RIMBP2: variants seen among roughly 807,000 people sequenced by gnomAD.
The protein encoded by RIMBP2 is RIMS binding protein 2, also known as RIMS-binding protein 2.
Under a neutral mutation model 118.6 loss-of-function variants are expected in RIMBP2, and 48 were observed. The ratio of observed to expected loss-of-function variants is 0.40; its 90% CI spans 0.32 to 0.51. The LOEUF (loss-of-function observed/expected upper bound fraction) is 0.51, where lower values mean the gene tolerates loss of function less well. Among genes scored for constraint, RIMBP2 ranks in the 20% least tolerant of loss-of-function variants. The pLI is 0.41. For missense variants in RIMBP2, 1,551 were observed against 1,768.3 expected, an observed-to-expected ratio of 0.88 and a Z score of 2.20; for synonymous variants, 762 against 742.9, an observed-to-expected ratio of 1.03 and a Z score of -0.42.
intron 1 of RIMBP2, among the ~76,000 whole-genome samples, chr12:130,712,220 C>G (rs533215359): frequency 6.6e-6 from 1 of 152,292 alleles, no homozygotes; most frequent in Admixed American, 6.5e-5. Context: ...CAAAAATATT[C>G]TTCTTTCTTC....
At chr12:130,588,165 T>C (rs1033600889) in intron 2 of RIMBP2, among the ~76,000 whole-genome samples, 3 of 152,038 alleles carry the variant, frequency 2.0e-5, no homozygotes, top group Admixed American at 2.0e-4. Flanking sequence ...CCAGCCCAAG[T>C]CCTGCCTCCT....
chr12:130,555,668 C>G (rs141454424), intron 2 of RIMBP2, among the ~76,000 whole-genome samples: 3 of 152,124 alleles, frequency 2.0e-5, no homozygotes, highest in African/African-American at 7.2e-5. Context: ...GTTCAACAAC[C>G]GCCTCACCTC....
At chr12:130,552,494 C>T (rs2055894768) in intron 2 of RIMBP2, among the ~76,000 whole-genome samples, 1 of 152,140 alleles carries the variant, frequency 6.6e-6, no homozygotes, top group Non-Finnish European at 1.5e-5. Context: ...AAGATAATGG[C>T]TAAAATGATA....
At chr12:130,692,134 A>T (rs1381068100) in intron 1 of RIMBP2, among the ~76,000 whole-genome samples, 2 of 152,168 alleles carry the variant, frequency 1.3e-5, no homozygotes, top group Non-Finnish European at 2.9e-5. Flanking sequence ...AACTCACTAC[A>T]CTGGGAGATG....
At chr12:130,499,243 T>A (rs979055910) in intron 4 of RIMBP2, among the ~76,000 whole-genome samples, 1 of 152,126 alleles carries the variant, frequency 6.6e-6, no homozygotes, top group Admixed American at 6.5e-5. Context: ...TTCCCCAACA[T>A]TGAGAACTAC....
intron 7 of RIMBP2, 106 bp from the exon 8 acceptor site, chr12:130,451,446 C>A: frequency 8.2e-7 from 1 of 1,225,458 alleles, no homozygotes; most frequent in Non-Finnish European, 1.1e-6. Flanking sequence ...TTGACAACAG[C>A]CACTGATTTT....
chr12:130,696,937 T>A (rs1333038107), intron 1 of RIMBP2, among the ~76,000 whole-genome samples: 1 of 152,074 alleles, frequency 6.6e-6, no homozygotes, highest in East Asian at 1.9e-4. Context: ...CTACAAATCA[T>A]CTCACGTGGC....
chr12:130,626,234 A>T lies in RIMBP2; in HGVS notation c.-217+2088T>A, dbSNP rs534745057. ...GCCTTCTTCTATGGAAAATGAATGCATAAAATAGGAATCAGAGGACTGGGT... is the reference window on the plus strand; with the variant it reads ...GCCTTCTTCTATGGAAAATGAATGCTTAAAATAGGAATCAGAGGACTGGGT... On this transcript the variant is annotated intron_variant, in intron 2 of 22. Coordinates refer to ENST00000690449, the MANE Select transcript of RIMBP2 (RefSeq NM_001393629.1). Among the ~76,000 whole-genome samples the T allele has an allele frequency of 5.3e-5, 8 of 152,334 alleles. No individual in the cohort carries two copies. In the South Asian group the frequency reaches 1.7e-3, roughly 32 times the overall value.
Position 130,622,262 on chromosome 12 carries a change from A to G in RIMBP2, c.-217+6060T>C, listed in dbSNP as rs531528767. Among the ~76,000 whole-genome samples the G allele has an allele frequency of 6.6e-6, 1 of 152,274 alleles. No homozygotes were observed. The highest frequency in any genetic ancestry group is 2.1e-4 in the South Asian group (1 of 4,814). On this transcript the variant is annotated intron_variant, in intron 2 of 22. Transcript: ENST00000690449. This position sits in a 1 kb window ranked among gnomAD's most constrained non-coding sequence, Gnocchi z 8.5. ...TGAAGCCCCCACAAGGCTGCATAGG[A>G]GGTTCCGGGGAACAGAGTCCCCAAA...
At chr12:130,493,496 G>A (rs532892219) in intron 4 of RIMBP2, among the ~76,000 whole-genome samples, 1 of 152,082 alleles carries the variant, frequency 6.6e-6, no homozygotes, top group Admixed American at 6.5e-5. Flanking sequence ...TGTATTTTTA[G>A]TAGAGACGGG....
intron 21 of RIMBP2, among the ~76,000 whole-genome samples, chr12:130,401,177 G>A (rs1217899859): frequency 4.6e-5 from 7 of 152,072 alleles, no homozygotes; most frequent in South Asian, 2.1e-4. Context: ...GTGCAGTAGC[G>A]TGATCTCGGC....
At chr12:130,664,439 GCACACACGCACACACATGCACGCACACA>G (rs2063819254) in intron 1 of RIMBP2, among the ~76,000 whole-genome samples, 2 of 123,398 alleles carry the variant, frequency 1.6e-5, no homozygotes, top group African/African-American at 3.0e-5. Flanking sequence ...ATGCATGCAC[GCACACACGCACACACATGCACGCACACA>G]CACGCACGCA....
rs146305282 is a variant in RIMBP2 at position 130,545,679 on chromosome 12, G to GC, written c.-216-27763dup. ...CGAGGAACGAGCCCAGTTCAGAGCC[G>GC]CCGTCGAGTGTCACGTCTGGGGAGG... On this transcript the variant is annotated intron_variant, in intron 2 of 22. Transcript: ENST00000690449. Among the ~76,000 whole-genome samples, 71 of 152,286 alleles carry GC rather than the reference G, an allele frequency of 4.7e-4. 1 individual carries two copies. The highest frequency in any genetic ancestry group is 1.6e-3 in the African/African-American group (66 of 41,574).
intron 19 of RIMBP2, among the ~76,000 whole-genome samples, chr12:130,410,383 A>G (rs1347827231): frequency 6.6e-6 from 1 of 152,214 alleles, no homozygotes; most frequent in African/African-American, 2.4e-5. Flanking sequence ...GTGAAGCCTA[A>G]CATTGACTTT....
At position 130,424,106 on chromosome 12, in the gene RIMBP2, G is replaced by A. The variant is rs549360997; in HGVS notation, c.3129+36C>T. ...TGAAAGGATGGGACAGATTGGTTTG[G>A]CAAGCGGCTGTGAAAAGGAAGTTTA... On this transcript the variant is annotated intron_variant, in intron 16 of 22. Transcript: ENST00000690449. The surrounding 1 kb of genome is among the most constrained non-coding windows in gnomAD (Gnocchi z 9.8). 7 of 1,126,206 alleles carry A rather than the reference G, an allele frequency of 6.2e-6. No homozygotes were observed. The highest frequency in any genetic ancestry group is 7.9e-6 in the Non-Finnish European group (7 of 891,474). 69.8% of individuals were successfully genotyped at this position (1,126,206 alleles called of 1,614,324 possible). A position where few individuals can be genotyped will look rare whatever the true frequency, so the allele number is the denominator to read the frequency against.
At chr12:130,652,236 T>A (rs1270677241) in intron 1 of RIMBP2, among the ~76,000 whole-genome samples, 1 of 152,238 alleles carries the variant, frequency 6.6e-6, no homozygotes, top group Non-Finnish European at 1.5e-5. Context: ...CCACCTGTTT[T>A]TGTAAATGAA....
intron 1 of RIMBP2, among the ~76,000 whole-genome samples, chr12:130,712,035 AG>A (rs1170888597): frequency 3.9e-5 from 6 of 152,222 alleles, no homozygotes; most frequent in Admixed American, 2.6e-4. Context: ...AAGATCTAAA[AG>A]ATAAAGCATG....
intron 4 of RIMBP2, among the ~76,000 whole-genome samples, chr12:130,495,960 G>T (rs2049111181): frequency 6.6e-6 from 1 of 152,170 alleles, no homozygotes. Context: ...TTTGAATTAG[G>T]TCATGCTACT....
chr12:130,659,276 A>T (rs1350273877), intron 1 of RIMBP2, among the ~76,000 whole-genome samples: 1 of 152,266 alleles, frequency 6.6e-6, no homozygotes, highest in Non-Finnish European at 1.5e-5. Context: ...TGAATAATTA[A>T]AATTATTAAT....
Sources: gnomAD v4.1 joint callset for allele counts (sites outside exome capture counted in the v4.1 genomes callset) on GRCh38, gnomAD v4.1.1 for gene constraint, Gnocchi (gnomAD v3.1) non-coding constraint, MANE v1.5 for transcripts, NCBI Gene and HGNC (gene_info 2026-07-23, HGNC 2026-07-21) for gene names.